CLVS1: variants seen among roughly 807,000 people sequenced by gnomAD.
CLVS1 encodes clavesin 1, also known as clavesin-1.
A neutral mutation model predicts 33.1 loss-of-function variants in CLVS1; 10 were observed. The observed-to-expected ratio is 0.30, with a 90% confidence interval of 0.19 to 0.51. The LOEUF (loss-of-function observed/expected upper bound fraction) is 0.51. Ranked by LOEUF, CLVS1 falls within the 20% of genes least tolerant of loss-of-function variation. The pLI is 0.97. For missense variants in CLVS1, 343 were observed against 433.4 expected, an observed-to-expected ratio of 0.79 and a Z score of 1.85; for synonymous variants, 163 against 166.1, an observed-to-expected ratio of 0.98 and a Z score of 0.14.
At chr8:61,307,481 G>T (rs1193615797) in intron 2 of CLVS1, among the ~76,000 whole-genome samples, 2 of 152,070 alleles carry the variant, frequency 1.3e-5, no homozygotes, top group Non-Finnish European at 1.5e-5. Flanking sequence ...GAAGTATGAG[G>T]AAGGACCTCA....
chr8:61,032,599 T>C, the CLVS1 span, among the ~76,000 whole-genome samples: 1 of 152,104 alleles, frequency 6.6e-6, no homozygotes, highest in Non-Finnish European at 1.5e-5. Context: ...GCCTCTAAGC[T>C]ATAAAGAAAA....
chr8:61,097,457 GAC>G (rs568076047), intron 1 of CLVS1, among the ~76,000 whole-genome samples: 14 of 152,288 alleles, frequency 9.2e-5, no homozygotes, highest in Admixed American at 8.5e-4. Flanking sequence ...AACTAGCAAA[GAC>G]AGCACAGGTT....
chr8:61,102,366 T>A (rs1054698721), intron 1 of CLVS1, among the ~76,000 whole-genome samples: 2 of 152,074 alleles, frequency 1.3e-5, no homozygotes, highest in African/African-American at 4.8e-5. Context: ...TATGCAATTG[T>A]AAAAAAAATT....
In CLVS1 at chr8:61,349,811, T is replaced by C. The variant is rs191791487; in HGVS notation, c.456-26794T>C. Among the ~76,000 whole-genome samples the C allele has an allele frequency of 5.9e-5, 9 of 152,194 alleles. No individual in the cohort carries two copies. In the East Asian group the frequency reaches 1.5e-3, roughly 26 times the overall value. On this transcript the variant is annotated intron_variant, in intron 2 of 5. Transcript: ENST00000325897. ...AAATGGAAGTTTCACACAGAAGGGA[T>C]TGCTGGTTGGTAAAGGATTGCCTCC...
chr8:61,137,079 G>A (rs1290357498), intron 2 of CLVS1, among the ~76,000 whole-genome samples: 1 of 152,204 alleles, frequency 6.6e-6, no homozygotes, highest in East Asian at 1.9e-4. Context: ...TTCGATAATG[G>A]ATTCTTACTC....
chr8:61,239,023 A>G (rs1326459463), intron 2 of CLVS1, among the ~76,000 whole-genome samples: 1 of 152,234 alleles, frequency 6.6e-6, no homozygotes, highest in Non-Finnish European at 1.5e-5. Context: ...AGCAGATATA[A>G]CAGTGTCCAT....
At chr8:61,173,127 T>C (rs1807040983) in intron 2 of CLVS1, among the ~76,000 whole-genome samples, 1 of 152,172 alleles carries the variant, frequency 6.6e-6, no homozygotes, top group Non-Finnish European at 1.5e-5. Flanking sequence ...TCTTTTCAGT[T>C]CCTTCTTTAA....
intron 3 of CLVS1, among the ~76,000 whole-genome samples, chr8:61,390,338 A>G (rs1814254733): frequency 1.3e-5 from 2 of 152,154 alleles, no homozygotes; most frequent in Admixed American, 1.3e-4. Flanking sequence ...CCAATTCCCA[A>G]CTGTTGAATG....
intron 2 of CLVS1, among the ~76,000 whole-genome samples, chr8:61,347,629 TATATATA>T (rs1812268786): frequency 1.8e-3 from 1 of 544 alleles, no homozygotes; most frequent in Non-Finnish European, 3.1e-3. Context: ...CATTCCATTA[TATATATA>T]TATATATATA....
the CLVS1 span, among the ~76,000 whole-genome samples, chr8:60,977,975 A>G: frequency 6.6e-6 from 1 of 152,374 alleles, no homozygotes; most frequent in East Asian, 1.9e-4. Flanking sequence ...ATTGCTCCTC[A>G]GGAATCATGG....
At chr8:61,146,997 A>G (rs1806433755) in intron 2 of CLVS1, among the ~76,000 whole-genome samples, 1 of 152,216 alleles carries the variant, frequency 6.6e-6, no homozygotes, top group Non-Finnish European at 1.5e-5. Context: ...CTCAACCTGC[A>G]AGTGAGGTGA....
At chr8:61,276,736 G>A (rs1220833936) in intron 2 of CLVS1, among the ~76,000 whole-genome samples, 4 of 152,206 alleles carry the variant, frequency 2.6e-5, no homozygotes, top group African/African-American at 9.7e-5. Flanking sequence ...CAAGATAATA[G>A]GTGTTTATGA....
the CLVS1 span, among the ~76,000 whole-genome samples, chr8:60,976,036 C>T: frequency 1.3e-5 from 2 of 152,196 alleles, no homozygotes; most frequent in African/African-American, 4.8e-5. Flanking sequence ...TTTGAAAACT[C>T]GTTTTCTCTT....
chr8:61,049,806 C>T, the CLVS1 span, among the ~76,000 whole-genome samples: 1 of 152,230 alleles, frequency 6.6e-6, no homozygotes, highest in East Asian at 1.9e-4. Context: ...GGCTTTGGGG[C>T]CACATTCCAT....
chr8:60,986,580 A>T, the CLVS1 span, among the ~76,000 whole-genome samples: 5 of 152,272 alleles, frequency 3.3e-5, no homozygotes, highest in African/African-American at 1.2e-4. Flanking sequence ...GCTCGCAGGA[A>T]TTGAGCCAAC....
chr8:60,989,158 C>T, the CLVS1 span, among the ~76,000 whole-genome samples: 2 of 151,990 alleles, frequency 1.3e-5, no homozygotes, highest in African/African-American at 2.4e-5. Context: ...TGAGCCACTG[C>T]CCTAGCCCCA....
chr8:61,357,987 TA>T (rs933913066), intron 2 of CLVS1, among the ~76,000 whole-genome samples: 6 of 152,214 alleles, frequency 3.9e-5, no homozygotes, highest in Non-Finnish European at 8.8e-5. Flanking sequence ...TGATATTTAT[TA>T]GCTGTGTCCT....
At chr8:61,480,365 C>A (rs190588213) in intron 5 of CLVS1, among the ~76,000 whole-genome samples, 1 of 152,122 alleles carries the variant, frequency 6.6e-6, no homozygotes, top group African/African-American at 2.4e-5. Flanking sequence ...GCTCCGTGGG[C>A]GTAGGATGCT....
At chr8:61,192,186 C>G (rs888859303) in intron 2 of CLVS1, among the ~76,000 whole-genome samples, 1 of 152,028 alleles carries the variant, frequency 6.6e-6, no homozygotes, top group African/African-American at 2.4e-5. Flanking sequence ...GAGATATAGA[C>G]CAATGGAACA....
Sources: allele counts gnomAD v4.1 joint callset (sites outside exome capture counted in the v4.1 genomes callset), GRCh38; gene constraint gnomAD v4.1.1; transcripts MANE v1.5; gene names NCBI Gene and HGNC (gene_info 2026-07-23, HGNC 2026-07-21).